IMMP1L: variants seen among roughly 807,000 people sequenced by gnomAD.
The protein encoded by IMMP1L is inner mitochondrial membrane peptidase subunit 1.
A neutral mutation model predicts 21.8 loss-of-function variants in IMMP1L; 24 were observed. That is an observed-to-expected ratio of 1.10 (90% CI 0.80 to 1.55). The LOEUF is 1.55. IMMP1L is among the 40% of genes most tolerant of loss of function. The pLI is 0.00. For synonymous variants in IMMP1L, 46 were observed against 62.8 expected (o/e 0.73, Z 1.26); for missense variants, 195 against 200.7 (o/e 0.97, Z 0.17).
intron 4 of IMMP1L, among the ~76,000 whole-genome samples, chr11:31,450,779 AG>A (rs1302166787): frequency 1.3e-5 from 2 of 152,186 alleles, no homozygotes; most frequent in Non-Finnish European, 2.9e-5. Flanking sequence ...AGTAGAAACT[AG>A]TAGAAAAAAA....
chr11:31,461,242 G>A (rs1954128921), intron 2 of IMMP1L, among the ~76,000 whole-genome samples: 1 of 152,112 alleles, frequency 6.6e-6, no homozygotes, highest in Non-Finnish European at 1.5e-5. Context: ...CTCATTTCAT[G>A]GGGCTGCAAC....
intron 3 of IMMP1L, among the ~76,000 whole-genome samples, chr11:31,459,665 A>G (rs1385280501): frequency 1.3e-5 from 2 of 152,088 alleles, no homozygotes; most frequent in Non-Finnish European, 2.9e-5. Flanking sequence ...GTGCAGTGGC[A>G]TGATCTCAGC....
chr11:31,461,060 T>C (rs1160534703), intron 2 of IMMP1L, among the ~76,000 whole-genome samples: 1 of 152,198 alleles, frequency 6.6e-6, no homozygotes, highest in Non-Finnish European at 1.5e-5. Context: ...CCAAGAACAA[T>C]GTTTGGTACA....
chr11:31,477,625 C>T (rs184089984), intron 1 of IMMP1L: 10 of 801,706 alleles, frequency 1.2e-5, no homozygotes, highest in East Asian at 1.2e-4. Context: ...CCAGTTATAG[C>T]GCCAGGTGGC....
intron 5 of IMMP1L, 34 bp from the exon 6 acceptor site, chr11:31,432,602 T>C (rs1437819251): frequency 7.2e-7 from 1 of 1,383,306 alleles, no homozygotes; most frequent in East Asian, 2.3e-5. Context: ...AGACAATTAG[T>C]GAAAGTAATG....
intron 3 of IMMP1L, among the ~76,000 whole-genome samples, chr11:31,459,798 T>G (rs903241980): frequency 6.6e-6 from 1 of 152,126 alleles, no homozygotes; most frequent in Non-Finnish European, 1.5e-5. Context: ...TTAATATAAT[T>G]AATCAGGAGA....
intron 4 of IMMP1L, among the ~76,000 whole-genome samples, chr11:31,439,352 C>A (rs1012085585): frequency 5.3e-5 from 8 of 151,568 alleles, no homozygotes; most frequent in African/African-American, 1.9e-4. Context: ...CAGATCTTTT[C>A]TTTTGTAGTT....
chr11:31,503,117 T>G (rs1955674440), intron 1 of IMMP1L, among the ~76,000 whole-genome samples: 1 of 152,204 alleles, frequency 6.6e-6, no homozygotes, highest in South Asian at 2.1e-4. Flanking sequence ...ACTCCTGCTT[T>G]CCTAGCATCC....
At chr11:31,485,977 T>A (rs1391029305) in intron 1 of IMMP1L, among the ~76,000 whole-genome samples, 1 of 151,728 alleles carries the variant, frequency 6.6e-6, no homozygotes, top group Non-Finnish European at 1.5e-5. Context: ...AATCAGAATA[T>A]ACAGTGGTTG....
chr11:31,505,636 T>C (rs908076225), intron 1 of IMMP1L, among the ~76,000 whole-genome samples: 4 of 152,154 alleles, frequency 2.6e-5, no homozygotes, highest in Non-Finnish European at 4.4e-5. Flanking sequence ...CAAATTAGTA[T>C]GTATTTCCAT....
At chr11:31,438,614 C>T (rs1953204890) in intron 4 of IMMP1L, among the ~76,000 whole-genome samples, 2 of 152,094 alleles carry the variant, frequency 1.3e-5, no homozygotes, top group Admixed American at 1.3e-4. Flanking sequence ...ATACTATATT[C>T]TACAAATTTT....
At chr11:31,496,576 A>G (rs1001484723) in intron 1 of IMMP1L, among the ~76,000 whole-genome samples, 3 of 151,914 alleles carry the variant, frequency 2.0e-5, no homozygotes, top group Non-Finnish European at 2.9e-5. Context: ...ACAACCCAAG[A>G]GTCTATCAAC....
At chr11:31,435,711 T>C (rs972237016) in intron 4 of IMMP1L, among the ~76,000 whole-genome samples, 4 of 152,160 alleles carry the variant, frequency 2.6e-5, no homozygotes, top group African/African-American at 7.2e-5. Context: ...CTCCTTTTTT[T>C]CCCTCATTTC....
At chr11:31,501,790 C>CAAATAAAT (rs55861509) in intron 1 of IMMP1L, among the ~76,000 whole-genome samples, 3,934 of 139,640 alleles carry the variant, frequency 0.028, 189 homozygotes, top group African/African-American at 0.098. Context: ...CCCATCTCTA[C>CAAATAAAT]AAATAAATAA....
chr11:31,486,212 T>C (rs1955072003), intron 1 of IMMP1L, among the ~76,000 whole-genome samples: 1 of 152,056 alleles, frequency 6.6e-6, no homozygotes, highest in African/African-American at 2.4e-5. Context: ...GAAAATGTCC[T>C]GATTTCATTT....
chr11:31,470,797 A>C (rs1269726625), intron 1 of IMMP1L, among the ~76,000 whole-genome samples: 1 of 152,206 alleles, frequency 6.6e-6, no homozygotes, highest in Non-Finnish European at 1.5e-5. Context: ...AGCCACAAAA[A>C]CCAATGAAAT....
chr11:31,501,877 C>T (rs1164798388), intron 1 of IMMP1L, among the ~76,000 whole-genome samples: 1 of 151,648 alleles, frequency 6.6e-6, no homozygotes, highest in Admixed American at 6.6e-5. Context: ...ACTTGGAAGG[C>T]TGAAGCATGA....
rs556844755 is a variant in IMMP1L at position 31,461,921 on chromosome 11, T to C, written c.106-1207A>G. Among the ~76,000 whole-genome samples the C allele has an allele frequency of 5.3e-5, 8 of 152,276 alleles. No individual in the cohort carries two copies. In the South Asian group the frequency reaches 1.0e-3, roughly 20 times the overall value. On this transcript the variant is annotated intron_variant, in intron 2 of 5. Coordinates refer to ENST00000532287, the MANE Select transcript of IMMP1L (RefSeq NM_001304274.2). ...TTTACTCTATTTGTAAATAAAACTT[T>C]TTACTCAAAAGTTCCTACTCAGGCA...
At position 31,441,158 on chromosome 11, in the gene IMMP1L, T is replaced by C. The variant is rs1435793815; in HGVS notation, c.322-7588A>G. 2.0e-5 allele frequency among the ~76,000 whole-genome samples: 3 copies of C among 152,132 alleles called. No individual in the cohort carries two copies. In the East Asian group the frequency reaches 5.8e-4, roughly 29 times the overall value. ...TGCATACTATTTAAGTAACTTAAAG[T>C]ATACATATGTATATATACACAGAAA... On this transcript the variant is annotated intron_variant, in intron 4 of 5. Transcript: ENST00000532287.
Sources: gnomAD v4.1 joint callset for allele counts (sites outside exome capture counted in the v4.1 genomes callset) on GRCh38, gnomAD v4.1.1 for gene constraint, MANE v1.5 for transcripts, NCBI Gene and HGNC (gene_info 2026-07-23, HGNC 2026-07-21) for gene names.